MICAL3: variants seen among roughly 807,000 people sequenced by gnomAD.
MICAL3 encodes the protein microtubule associated monooxygenase, calponin and LIM domain containing 3.
In MICAL3, 62 loss-of-function variants were observed where a neutral mutation model predicts 207.4. The observed-to-expected ratio is 0.30, with a 90% CI of 0.24 to 0.37. MICAL3 has a LOEUF of 0.37. Ranked by LOEUF, MICAL3 falls within the 10% of genes least tolerant of loss-of-function variation. The probability of loss-of-function intolerance (pLI) is 1.00; values close to 1 mark genes in which losing one functional copy is unlikely to be tolerated. For synonymous variants in MICAL3, 1,077 were observed against 1,069.3 expected (o/e 1.01, Z -0.14); for missense variants, 2,368 against 2,635.6 (o/e 0.90, Z 2.22).
At chr22:17,936,039 C>G (rs560939080) in intron 1 of MICAL3, among the ~76,000 whole-genome samples, 1 of 152,170 alleles carries the variant, frequency 6.6e-6, no homozygotes, top group Non-Finnish European at 1.5e-5. Flanking sequence ...GGATCTAGAG[C>G]TAGAATTACC....
chr22:17,801,365 G>A lies in MICAL3; in HGVS notation c.5650+7479C>T, dbSNP rs2061937613. Among the ~76,000 whole-genome samples the A allele has an allele frequency of 3.6e-5, 2 of 55,786 alleles. 1 individual carries two copies. Among genetic ancestry groups the A allele is most frequent in the African/African-American group, 4.1e-4 (2 of 4,872 alleles). 36.6% of individuals were successfully genotyped at this position (55,786 alleles called of 152,430 possible). ...AGACGGGGTTTCACCGTTTTAGCCG[G>A]GATGGTCTCGATCTCCTGACCTCGT... On this transcript the variant is annotated intron_variant, in intron 29 of 31. Transcript: ENST00000441493.
At chr22:17,794,651 G>A (rs986458836) in intron 29 of MICAL3, among the ~76,000 whole-genome samples, 1 of 152,230 alleles carries the variant, frequency 6.6e-6, no homozygotes, top group Non-Finnish European at 1.5e-5. Context: ...TGGCTGTGCA[G>A]GGACCCCATG....
At chr22:17,956,416 A>AT (rs1354677740) in intron 1 of MICAL3, among the ~76,000 whole-genome samples, 2 of 152,160 alleles carry the variant, frequency 1.3e-5, no homozygotes, top group African/African-American at 4.8e-5. Flanking sequence ...GCTCACGGCT[A>AT]TAATCCCCGC....
intron 1 of MICAL3, among the ~76,000 whole-genome samples, chr22:17,956,051 G>C (rs1934598057): frequency 6.6e-6 from 1 of 152,216 alleles, no homozygotes; most frequent in Non-Finnish European, 1.5e-5. Flanking sequence ...TCCTGAGAGA[G>C]TGTCCTCTGA....
chr22:17,902,483 G>A lies in MICAL3; in HGVS notation c.589+148C>T, dbSNP rs1442210612. On this transcript the variant is annotated intron_variant, in intron 4 of 31. Coordinates refer to ENST00000441493, the MANE Select transcript of MICAL3 (RefSeq NM_015241.3). The surrounding 1 kb of genome is among the most constrained non-coding windows in gnomAD (Gnocchi z 4.5). The stretch of plus-strand genomic sequence containing the variant: ...CCACATGTGCGCCTGCGACATCTAA[G>A]GCTGCATCCAGGCCAAGTCCCCAAA... The A allele has an allele frequency of 1.8e-6, 1 of 556,440 alleles. No individual in the cohort carries two copies. The highest frequency in any genetic ancestry group is 1.9e-5 in the African/African-American group (1 of 52,930). The allele number at this position is 556,440 out of a possible 1,614,324, so 34.5% of individuals were successfully genotyped here. A position where few individuals can be genotyped will look rare whatever the true frequency, so the allele number is the denominator to read the frequency against.
chr22:17,839,905 A>G (rs1252323848), intron 20 of MICAL3: 2 of 144,446 alleles, frequency 1.4e-5, no homozygotes, highest in Non-Finnish European at 1.5e-5. Flanking sequence ...TCTGTATAGC[A>G]CTGAATGCTA....
At chr22:17,857,511 G>A (rs772231914) in intron 19 of MICAL3, among the ~76,000 whole-genome samples, 1 of 152,204 alleles carries the variant, frequency 6.6e-6, no homozygotes, top group African/African-American at 2.4e-5. Context: ...CTCTTCTCCC[G>A]CAGGTGCAGG....
At chr22:18,017,081 C>A (rs1291538545) in intron 1 of MICAL3, among the ~76,000 whole-genome samples, 1 of 152,204 alleles carries the variant, frequency 6.6e-6, no homozygotes. Flanking sequence ...CACCACCACA[C>A]TCAGGAAAAA....
At chr22:17,838,621 G>A (rs1048731212) in intron 20 of MICAL3, among the ~76,000 whole-genome samples, 1 of 152,204 alleles carries the variant, frequency 6.6e-6, no homozygotes, top group African/African-American at 2.4e-5. Context: ...CTAGCAGGTG[G>A]CAGAACTGGG....
chr22:17,935,434 T>C (rs1933469209), intron 1 of MICAL3, among the ~76,000 whole-genome samples: 1 of 152,222 alleles, frequency 6.6e-6, no homozygotes, highest in Non-Finnish European at 1.5e-5. Context: ...TAATTCAAGA[T>C]GGATTACAGA....
intron 1 of MICAL3, among the ~76,000 whole-genome samples, chr22:17,965,183 CAAAAAAA>C (rs370246938): frequency 9.5e-6 from 1 of 105,640 alleles, no homozygotes; most frequent in African/African-American, 3.4e-5. Flanking sequence ...ACCCCGTCTC[CAAAAAAA>C]AAAAAAAAAA....
intron 19 of MICAL3, among the ~76,000 whole-genome samples, chr22:17,859,232 A>G (rs1926254309): frequency 6.6e-6 from 1 of 152,172 alleles, no homozygotes; most frequent in African/African-American, 2.4e-5. Flanking sequence ...GACCCCAGGG[A>G]CCTGCTGCTC....
rs375063829 is a variant in MICAL3 at position 17,995,203 on chromosome 22, G to T, written c.-75+29078C>A. ...CTCCCTTTTTCTTTTAAGAGACAGG[G>T]TCTCACTCTGTCACCCAGACTGGAA... On this transcript the variant is annotated intron_variant, in intron 1 of 31. Transcript: ENST00000441493. 7.2e-5 allele frequency among the ~76,000 whole-genome samples: 11 copies of T among 152,180 alleles called. No individual in the cohort carries two copies. The East Asian group carries it at 1.2e-3, about 16-fold the overall frequency.
chr22:17,828,662 T>C (rs1922468048), intron 21 of MICAL3, among the ~76,000 whole-genome samples: 1 of 152,212 alleles, frequency 6.6e-6, no homozygotes, highest in South Asian at 2.1e-4. Context: ...GTTTCTCAGC[T>C]ACATGGAAAC....
At chr22:17,983,817 T>C (rs1482613262) in intron 1 of MICAL3, among the ~76,000 whole-genome samples, 1 of 152,070 alleles carries the variant, frequency 6.6e-6, no homozygotes, top group Non-Finnish European at 1.5e-5. Flanking sequence ...ATGCTAAAGG[T>C]GCCCTATCAG....
intron 19 of MICAL3, among the ~76,000 whole-genome samples, chr22:17,845,529 C>T (rs1176549059): frequency 1.3e-5 from 2 of 152,062 alleles, no homozygotes; most frequent in African/African-American, 2.4e-5. Context: ...TGAGTCAGCA[C>T]ACCTGGCAGA....
At chr22:17,881,452 TCTC>T in intron 16 of MICAL3, 1 of 640,930 alleles carries the variant, frequency 1.6e-6, no homozygotes, top group Non-Finnish European at 2.7e-6. Context: ...AGCCCAGTGG[TCTC>T]CCGTGGGCCC....
chr22:17,937,348 A>G (rs912279590), intron 1 of MICAL3, among the ~76,000 whole-genome samples: 4 of 152,074 alleles, frequency 2.6e-5, no homozygotes, highest in Non-Finnish European at 5.9e-5. Flanking sequence ...CCCCCGATCT[A>G]CTTCAGTCCC....
At chr22:18,018,201 C>T (rs765549769) in intron 1 of MICAL3, among the ~76,000 whole-genome samples, 6 of 152,246 alleles carry the variant, frequency 3.9e-5, no homozygotes, top group Admixed American at 3.3e-4. Flanking sequence ...TAAATGAACA[C>T]AGTTTTCCCC....
Sources: gnomAD v4.1 joint callset for allele counts (sites outside exome capture counted in the v4.1 genomes callset) on GRCh38, gnomAD v4.1.1 for gene constraint, Gnocchi (gnomAD v3.1) non-coding constraint, MANE v1.5 for transcripts, NCBI Gene and HGNC (gene_info 2026-07-23, HGNC 2026-07-21) for gene names.